Variants in HDHD5 observed in about 807,000 individuals in gnomAD.
HDHD5 encodes haloacid dehalogenase like hydrolase domain containing 5.
HDHD5 carries 34 observed loss-of-function variants against 35.5 expected under a neutral mutation model. The observed-to-expected ratio is 0.96, with a 90% CI of 0.73 to 1.28. The LOEUF is 1.28. Among genes scored for constraint, HDHD5 ranks in the 50% most tolerant of loss-of-function variants. HDHD5 has a pLI of 0.00. For synonymous variants in HDHD5, 248 were observed against 240.6 expected, an observed-to-expected ratio of 1.03 and a Z score of -0.29; for missense variants, 589 against 560.2, an observed-to-expected ratio of 1.05 and a Z score of -0.52.
At chr22:17,141,295 G>T in intron 5 of HDHD5, 62 bp from the exon 6 acceptor site, 1 of 1,532,440 alleles carries the variant, frequency 6.5e-7, no homozygotes. Flanking sequence ...AGGCCCTCAG[G>T]ATGCCAGCTA....
chr22:17,138,132 C>T lies in HDHD5; in HGVS notation c.1161G>A (p.Gly387=), dbSNP rs1307198077. 6.2e-7 allele frequency: 1 copy of T among 1,614,154 alleles called. No homozygotes were observed. Among genetic ancestry groups the T allele is most frequent in the Admixed American group, 1.7e-5 (1 of 60,016 alleles). ...VLGGGEPPFH[G]HRDLCFSPGL... Reference sequence around the variant, plus strand: ...CTGGACTGAAGCATAAGTCTCGGTGCCCGTGGAATGGAGGCTCCCCTCCTC... The same window carrying T: ...CTGGACTGAAGCATAAGTCTCGGTGTCCGTGGAATGGAGGCTCCCCTCCTC... The change falls in exon 8 of 8, where the codon GGG becomes GGA. Residue 387 remains glycine, a synonymous_variant. Coordinates refer to ENST00000336737, the MANE Select transcript of HDHD5 (RefSeq NM_033070.3).
chr22:17,138,744 A>G lies in HDHD5; in HGVS notation c.747-6T>C, dbSNP rs377104000. ...GAAAGGTGCCATGTCCAAACCTGCC[A>G]GAAACGAGCACGCAGCAGTTCAGTC... On this transcript the variant is annotated splice_polypyrimidine_tract_variant and splice_region_variant and intron_variant, in intron 6 of 7. Coordinates refer to ENST00000336737, the MANE Select transcript of HDHD5 (RefSeq NM_033070.3). The G allele has an allele frequency of 3.8e-5, 61 of 1,614,066 alleles. No individual in the cohort carries two copies. The highest frequency in any genetic ancestry group is 5.0e-5 in the Admixed American group (3 of 59,998).
At chr22:17,140,496 G>A (rs1442049426) in intron 6 of HDHD5, among the ~76,000 whole-genome samples, 1 of 152,052 alleles carries the variant, frequency 6.6e-6, no homozygotes, top group Non-Finnish European at 1.5e-5. Context: ...GAGGCACGGG[G>A]GTCACTTGAG....
chr22:17,148,356 A>G (rs2061688339), intron 3 of HDHD5, 92 bp downstream of exon 3: 1 of 1,025,506 alleles, frequency 9.8e-7, no homozygotes, highest in Non-Finnish European at 1.5e-6. Flanking sequence ...CCCAGCACCC[A>G]GCACTCCTCA....
chr22:17,138,105 C>T lies in HDHD5; in HGVS notation c.1188G>A (p.Gly396=). Residue 396 remains glycine (G), a synonymous_variant, in exon 8 of 8, where the codon GGG becomes GGA. Coordinates refer to ENST00000336737, the MANE Select transcript of HDHD5 (RefSeq NM_033070.3). Reference sequence around the variant, plus strand: ...TCACCACGTGGGAGGCCTCCATGAGCCCTGGACTGAAGCATAAGTCTCGGT... The same window carrying T: ...TCACCACGTGGGAGGCCTCCATGAGTCCTGGACTGAAGCATAAGTCTCGGT... ...HGHRDLCFSP[G]LMEASHVVND... 1 of 1,614,132 alleles carries T rather than the reference C, an allele frequency of 6.2e-7. No individual in the cohort carries two copies.
At chr22:17,147,944 C>T (rs1428021432) in intron 3 of HDHD5, among the ~76,000 whole-genome samples, 1 of 152,214 alleles carries the variant, frequency 6.6e-6, no homozygotes, top group Non-Finnish European at 1.5e-5. Flanking sequence ...TGCGGCAGAC[C>T]GCTGGTACAC....
intron 1 of HDHD5, among the ~76,000 whole-genome samples, chr22:17,157,397 C>T (rs1222427573): frequency 6.6e-6 from 1 of 151,712 alleles, no homozygotes; most frequent in Non-Finnish European, 1.5e-5. Flanking sequence ...TCCCGAGTAG[C>T]TGGGATTACA....
Position 17,138,020 on chromosome 22 carries a change from C to G in HDHD5, c.*1G>C. On this transcript the variant is annotated 3_prime_UTR_variant, in exon 8 of 8. Coordinates refer to ENST00000336737, the MANE Select transcript of HDHD5 (RefSeq NM_033070.3). ...ACCCCCTCACCTCCACCGCACTGCCCTCACTCCAAAGCCCAGCCCTCCTTG... is the reference window on the plus strand; with the variant it reads ...ACCCCCTCACCTCCACCGCACTGCCGTCACTCCAAAGCCCAGCCCTCCTTG... 6.2e-7 allele frequency: 1 copy of G among 1,609,224 alleles called. No homozygotes were observed. Among genetic ancestry groups the G allele is most frequent in the Non-Finnish European group, 8.5e-7 (1 of 1,176,394 alleles).
At chr22:17,143,064 G>A (rs2061616499) in intron 5 of HDHD5, 34 bp downstream of exon 5, 2 of 1,604,244 alleles carry the variant, frequency 1.2e-6, no homozygotes, top group Non-Finnish European at 1.7e-6. Context: ...ACGGAGAAAA[G>A]ACCTCACAAC....
chr22:17,145,699 A>AC (rs2061654961), intron 3 of HDHD5, among the ~76,000 whole-genome samples: 2 of 152,188 alleles, frequency 1.3e-5, no homozygotes, highest in South Asian at 4.2e-4. Flanking sequence ...CTCAAAAAAA[A>AC]ACAAAAAACT....
Position 17,137,910 on chromosome 22 carries a change from G to T in HDHD5, c.*111C>A. ...TGCCACACTCATGGGGCAGCAAGAAGGGTGGCAAGGGAACCAAGCCCTGAC... is the reference window on the plus strand; with the variant it reads ...TGCCACACTCATGGGGCAGCAAGAATGGTGGCAAGGGAACCAAGCCCTGAC... On this transcript the variant is annotated 3_prime_UTR_variant, in exon 8 of 8. Coordinates refer to ENST00000336737, the MANE Select transcript of HDHD5 (RefSeq NM_033070.3). The T allele has an allele frequency of 1.2e-6, 1 of 804,828 alleles. No individual in the cohort carries two copies. Among genetic ancestry groups the T allele is most frequent in the Non-Finnish European group, 2.0e-6 (1 of 511,596 alleles). The allele number at this position is 804,828 out of a possible 1,614,324, so 49.9% of individuals were successfully genotyped here.
intron 1 of HDHD5, among the ~76,000 whole-genome samples, chr22:17,154,578 T>C (rs981692348): frequency 6.6e-6 from 1 of 151,776 alleles, no homozygotes; most frequent in African/African-American, 2.4e-5. Flanking sequence ...TTAGGTATGA[T>C]ACTGGCATCG....
intron 3 of HDHD5, among the ~76,000 whole-genome samples, chr22:17,148,149 T>C (rs1479194766): frequency 6.6e-6 from 1 of 152,144 alleles, no homozygotes; most frequent in Non-Finnish European, 1.5e-5. Context: ...TTTTAAAAAA[T>C]ACAGATTCCT....
intron 3 of HDHD5, among the ~76,000 whole-genome samples, chr22:17,146,506 C>T (rs574955165): frequency 7.6e-4 from 109 of 142,610 alleles, no homozygotes; most frequent in African/African-American, 2.6e-3. Flanking sequence ...TGTGAGCTTA[C>T]CGGCCTTCAA....
Position 17,149,569 on chromosome 22 carries a change from C to G in HDHD5, c.303G>C (p.Gln101His), listed in dbSNP as rs200633672. The change falls in exon 2 of 8, where the codon CAG (glutamine) becomes CAC (histidine). Residue 101 changes from glutamine (Q) to histidine (H), a missense_variant. Gln to His is a conservative substitution (Grantham distance 24). Coordinates refer to ENST00000336737, the MANE Select transcript of HDHD5 (RefSeq NM_033070.3). ...CGCACCCCAGCAGGGCTGACAGCTC[C>G]TGGGCTTTGCTGTGTTGTAAGATGT... ...AGNILQHSKA[Q>H]ELSALLGCEV... 7.2e-5 allele frequency: 116 copies of G among 1,612,444 alleles called. No individual in the cohort carries two copies. The highest frequency in any genetic ancestry group is 8.7e-5 in the Non-Finnish European group (103 of 1,180,024).
intron 4 of HDHD5, 35 bp downstream of exon 4, chr22:17,144,989 G>A: frequency 1.9e-6 from 3 of 1,612,112 alleles, no homozygotes; most frequent in Middle Eastern, 1.6e-4. Flanking sequence ...AGGAGTGAAG[G>A]ATGAAGACAC....
At chr22:17,163,988 A>G (rs932122439), upstream of HDHD5, among the ~76,000 whole-genome samples, 2 of 152,174 alleles carry the variant, frequency 1.3e-5, no homozygotes, top group African/African-American at 4.8e-5. Context: ...TGGGAGGTGG[A>G]GGCGGGCAGA....
At chr22:17,161,201 G>A (rs1270027475), upstream of HDHD5, among the ~76,000 whole-genome samples, 10 of 144,056 alleles carry the variant, frequency 6.9e-5, no homozygotes, top group Non-Finnish European at 9.0e-5. Context: ...AGCTGAGAGC[G>A]TGCCACTGTA....
chr22:17,138,552 CA>C lies in HDHD5; in HGVS notation c.932del (p.Val311GlyfsTer30), dbSNP rs747798768. 1 of 1,613,844 alleles carries C rather than the reference CA, an allele frequency of 6.2e-7. No individual in the cohort carries two copies. Among genetic ancestry groups the C allele is most frequent in the Non-Finnish European group, 8.5e-7 (1 of 1,179,846 alleles). ...AAAGGAGGGAGAGCAGAGCCTACCC[CA>C]CAGCATAGAGCTTCCGGATGGGGGC... ...WAAPIRKLYA[V>X]GDNPMSDVYG... On this transcript the variant is annotated frameshift_variant, in exon 7 of 8. Transcript: ENST00000336737. LOFTEE classifies it low-confidence loss of function (END_TRUNC).
Sources: gnomAD v4.1 joint callset for allele counts (sites outside exome capture counted in the v4.1 genomes callset) on GRCh38, gnomAD v4.1.1 for gene constraint, MANE v1.5 for transcripts, NCBI Gene and HGNC (gene_info 2026-07-23, HGNC 2026-07-21) for gene names.